The following ZNF567 variants were observed in gnomAD, a reference collection of about 807,000 sequenced individuals.
ZNF567 encodes the protein zinc finger protein 567.
In ZNF567, 36 loss-of-function variants were observed where a neutral mutation model predicts 53.9. The ratio of observed to expected loss-of-function variants is 0.67; its 90% CI spans 0.51 to 0.88. The LOEUF (loss-of-function observed/expected upper bound fraction) is 0.88. Among genes scored for constraint, ZNF567 ranks in the 40% least tolerant of loss-of-function variants. ZNF567 has a pLI of 0.00. For missense variants in ZNF567, 619 were observed against 764.7 expected, an observed-to-expected ratio of 0.81 and a Z score of 2.25; for synonymous variants, 224 against 260.4, an observed-to-expected ratio of 0.86 and a Z score of 1.35.
At chr19:36,693,463 TAAAATA>T (rs1700749784) in intron 2 of ZNF567, among the ~76,000 whole-genome samples, 1 of 151,946 alleles carries the variant, frequency 6.6e-6, no homozygotes, top group Non-Finnish European at 1.5e-5. Context: ...GTCTCAAAAA[TAAAATA>T]AAAATAAGAC....
chr19:36,689,907 C>T (rs1038131386), intron 2 of ZNF567, among the ~76,000 whole-genome samples: 19 of 152,142 alleles, frequency 1.2e-4, no homozygotes, highest in Non-Finnish European at 2.4e-4. Flanking sequence ...CTAAAAATAA[C>T]AGTCTCTTAA....
At chr19:36,712,111 A>C (rs61628442) in intron 3 of ZNF567, 47,723 of 343,984 alleles carry the variant, frequency 0.14, 5,320 homozygotes, top group East Asian at 0.56. Context: ...CAGTGGCATG[A>C]TCTGGGCTCA....
chr19:36,709,759 C>A (rs2145806316), intron 3 of ZNF567, among the ~76,000 whole-genome samples: 1 of 152,316 alleles, frequency 6.6e-6, no homozygotes, highest in African/African-American at 2.4e-5. Flanking sequence ...CCACCACACC[C>A]AGCCTATTAG....
chr19:36,708,572 T>C (rs62112516), intron 3 of ZNF567, among the ~76,000 whole-genome samples: 2,201 of 152,308 alleles, frequency 0.014, 17 homozygotes, highest in Middle Eastern at 0.034. Context: ...TTCACCATTA[T>C]ATTATCTTAC....
chr19:36,677,313 G>C, the ZNF567 span, among the ~76,000 whole-genome samples: 2 of 149,864 alleles, frequency 1.3e-5, no homozygotes, highest in Admixed American at 1.3e-4. Flanking sequence ...CAAAAAATTA[G>C]CCCAGTGTTG....
chr19:36,673,512 T>G, the ZNF567 span, among the ~76,000 whole-genome samples: 2 of 152,224 alleles, frequency 1.3e-5, no homozygotes, highest in South Asian at 4.1e-4. Flanking sequence ...CAAAGGCTAA[T>G]GTCTGAGCAA....
the ZNF567 span, among the ~76,000 whole-genome samples, chr19:36,679,527 C>T: frequency 1.3e-5 from 2 of 152,212 alleles, no homozygotes; most frequent in African/African-American, 2.4e-5. Flanking sequence ...GATGTCTGCA[C>T]TCCCATGTTA....
chr19:36,688,593 G>T (rs963675290), intron 1 of ZNF567, among the ~76,000 whole-genome samples: 6 of 147,814 alleles, frequency 4.1e-5, no homozygotes, highest in Non-Finnish European at 9.0e-5. Flanking sequence ...CGATCACGAC[G>T]TCAGGAGATC....
intron 3 of ZNF567, among the ~76,000 whole-genome samples, chr19:36,698,243 A>AG (rs2038994686): frequency 6.6e-6 from 1 of 152,032 alleles, no homozygotes; most frequent in African/African-American, 2.4e-5. Context: ...GTCCCTACAA[A>AG]GGACATGAAC....
At chr19:36,683,702 G>A (rs1032594315), upstream of ZNF567, among the ~76,000 whole-genome samples, 1 of 152,018 alleles carries the variant, frequency 6.6e-6, no homozygotes, top group South Asian at 2.1e-4. Flanking sequence ...GTGGTGACAT[G>A]CGCCTTGTAG....
chr19:36,695,463 A>T, intron 3 of ZNF567, among the ~76,000 whole-genome samples: 1 of 152,120 alleles, frequency 6.6e-6, no homozygotes, highest in South Asian at 2.1e-4. Flanking sequence ...CAGGAGGCAG[A>T]GGTTGCAGTG....
At chr19:36,712,658 C>A in intron 4 of ZNF567, 123 bp from the exon 5 acceptor site, 1 of 1,374,688 alleles carries the variant, frequency 7.3e-7, no homozygotes, top group African/African-American at 1.4e-5. Flanking sequence ...TTACCCAGTG[C>A]AAGGTGCTAC....
chr19:36,724,257 C>T (rs1329629492), downstream of ZNF567, among the ~76,000 whole-genome samples: 4 of 151,798 alleles, frequency 2.6e-5, no homozygotes, highest in South Asian at 2.1e-4. Flanking sequence ...CCGCCCACCT[C>T]GGCCTCCCAA....
chr19:36,688,137 G>C (rs2038359687), intron 1 of ZNF567, among the ~76,000 whole-genome samples: 1 of 152,182 alleles, frequency 6.6e-6, no homozygotes, highest in Non-Finnish European at 1.5e-5. Flanking sequence ...TCCGACTCTG[G>C]AGAGGCGACA....
chr19:36,704,131 T>C (rs540972245), intron 3 of ZNF567, among the ~76,000 whole-genome samples: 1 of 152,310 alleles, frequency 6.6e-6, no homozygotes, highest in South Asian at 2.1e-4. Context: ...CATGAATGAG[T>C]GTTAAATTTT....
the ZNF567 span, among the ~76,000 whole-genome samples, chr19:36,674,228 T>C: frequency 6.6e-6 from 1 of 152,220 alleles, no homozygotes. Context: ...GACACTGGCA[T>C]GCCTGGCAAC....
intron 3 of ZNF567, among the ~76,000 whole-genome samples, chr19:36,710,164 C>T (rs1244746403): frequency 6.6e-6 from 1 of 151,692 alleles, no homozygotes; most frequent in Admixed American, 6.6e-5. Context: ...CTTACTTTCT[C>T]TTGATTGATT....
chr19:36,720,852 A>T lies in ZNF567; in HGVS notation c.*184A>T, dbSNP rs1159204438. 1 of 476,148 alleles carries T rather than the reference A, an allele frequency of 2.1e-6. No homozygotes were observed. The highest frequency in any genetic ancestry group is 3.4e-6 in the Non-Finnish European group (1 of 294,364). The allele number at this position is 476,148 out of a possible 1,614,324, so 29.5% of individuals were successfully genotyped here. On this transcript the variant is annotated 3_prime_UTR_variant, in exon 6 of 6. Transcript: ENST00000682579. Reference sequence around the variant, plus strand: ...AAATAAGTATGATCATTATTATTGAACTCTATCAGCTATGAAGCTAAATTT... The same window carrying T: ...AAATAAGTATGATCATTATTATTGATCTCTATCAGCTATGAAGCTAAATTT...
chr19:36,676,486 A>AT, the ZNF567 span, among the ~76,000 whole-genome samples: 1 of 151,806 alleles, frequency 6.6e-6, no homozygotes, highest in East Asian at 1.9e-4. Context: ...TTCCTTCCAT[A>AT]TGCTGCCCAG....
Sources: gnomAD v4.1 joint callset for allele counts (sites outside exome capture counted in the v4.1 genomes callset) on GRCh38, gnomAD v4.1.1 for gene constraint, MANE v1.5 for transcripts, NCBI Gene and HGNC (gene_info 2026-07-23, HGNC 2026-07-21) for gene names.